DLGAP1: variants seen among roughly 807,000 people sequenced by gnomAD.
DLGAP1 encodes the protein disks large-associated protein 1.
In DLGAP1, 11 loss-of-function variants were observed where a neutral mutation model predicts 90.8. The observed-to-expected ratio is 0.12, with a 90% confidence interval of 0.08 to 0.20. The LOEUF (loss-of-function observed/expected upper bound fraction) is 0.20. Among genes scored for constraint, DLGAP1 ranks in the 10% least tolerant of loss-of-function variants. DLGAP1 has a pLI of 1.00. For missense variants in DLGAP1, 1,050 were observed against 1,333.8 expected, an observed-to-expected ratio of 0.79 and a Z score of 3.31; for synonymous variants, 558 against 540.7, an observed-to-expected ratio of 1.03 and a Z score of -0.44.
At chr18:3,532,916 C>T (rs1415308859) in intron 10 of DLGAP1, among the ~76,000 whole-genome samples, 2 of 152,106 alleles carry the variant, frequency 1.3e-5, no homozygotes, top group African/African-American at 4.8e-5. Context: ...TTTTCTTTTT[C>T]AACTGTTAAT....
At chr18:3,542,106 C>T (rs1457792634) in intron 9 of DLGAP1, among the ~76,000 whole-genome samples, 1 of 152,124 alleles carries the variant, frequency 6.6e-6, no homozygotes, top group Non-Finnish European at 1.5e-5. Flanking sequence ...TAAGTATGTC[C>T]TGGAGGTCTA....
chr18:4,279,659 T>G (rs1216860590), intron 1 of DLGAP1, among the ~76,000 whole-genome samples: 1 of 152,204 alleles, frequency 6.6e-6, no homozygotes, highest in Admixed American at 6.6e-5. Context: ...TGAATATTAG[T>G]AAGATAACTC....
At chr18:4,160,185 A>G (rs1223614147) in intron 1 of DLGAP1, among the ~76,000 whole-genome samples, 1 of 152,246 alleles carries the variant, frequency 6.6e-6, no homozygotes, top group East Asian at 1.9e-4. Flanking sequence ...AAGGAGGTTT[A>G]TCAAACAAGC....
At chr18:3,547,222 ACC>A (rs1186827814) in intron 9 of DLGAP1, among the ~76,000 whole-genome samples, 24 of 136,524 alleles carry the variant, frequency 1.8e-4, no homozygotes, top group South Asian at 9.1e-4. Context: ...AATGGCTTGA[ACC>A]CCCGGGGGCG....
At chr18:4,045,991 C>A (rs1190300853) in intron 2 of DLGAP1, among the ~76,000 whole-genome samples, 2 of 151,996 alleles carry the variant, frequency 1.3e-5, no homozygotes, top group African/African-American at 4.8e-5. Context: ...TAAAAAATTA[C>A]TAAGAATAGT....
At chr18:3,936,760 C>T (rs2072650292) in intron 3 of DLGAP1, among the ~76,000 whole-genome samples, 1 of 152,160 alleles carries the variant, frequency 6.6e-6, no homozygotes, top group Non-Finnish European at 1.5e-5. Context: ...TCAATATCCA[C>T]AAAATGATTC....
At chr18:4,033,250 A>G (rs1598274270) in intron 2 of DLGAP1, among the ~76,000 whole-genome samples, 1 of 151,906 alleles carries the variant, frequency 6.6e-6, no homozygotes, top group East Asian at 1.9e-4. Context: ...GTGTCTCTTG[A>G]CCATCACCCG....
intron 1 of DLGAP1, among the ~76,000 whole-genome samples, chr18:4,213,343 G>A (rs1377330863): frequency 3.9e-5 from 6 of 152,170 alleles, no homozygotes; most frequent in Admixed American, 3.3e-4. Context: ...AGAAACTGAG[G>A]CAAGAAATGA....
intron 3 of DLGAP1, among the ~76,000 whole-genome samples, chr18:3,913,414 G>T (rs2148899073): frequency 6.6e-6 from 1 of 152,260 alleles, no homozygotes; most frequent in African/African-American, 2.4e-5. Flanking sequence ...TGAATTATTT[G>T]CAGGAAGCTG....
At chr18:3,718,680 C>T (rs1258843379) in intron 7 of DLGAP1, among the ~76,000 whole-genome samples, 3 of 151,966 alleles carry the variant, frequency 2.0e-5, no homozygotes, top group Non-Finnish European at 4.4e-5. Flanking sequence ...AATCCCAGCA[C>T]TTTGGGGGGT....
chr18:3,849,012 T>A (rs929514979), intron 4 of DLGAP1, among the ~76,000 whole-genome samples: 1 of 152,216 alleles, frequency 6.6e-6, no homozygotes, highest in Non-Finnish European at 1.5e-5. Flanking sequence ...TCTAGCACTA[T>A]CTTGGTGATC....
At chr18:3,752,159 C>T (rs2063525738) in intron 5 of DLGAP1, among the ~76,000 whole-genome samples, 1 of 152,146 alleles carries the variant, frequency 6.6e-6, no homozygotes, top group Admixed American at 6.5e-5. Flanking sequence ...GTTGAGGTTA[C>T]AGGTGTGAGC....
intron 1 of DLGAP1, among the ~76,000 whole-genome samples, chr18:4,385,728 C>A (rs756900717): frequency 2.0e-5 from 3 of 152,164 alleles, no homozygotes; most frequent in Middle Eastern, 3.2e-3. Context: ...AATACAAATA[C>A]ACACAAATAT....
At chr18:3,709,173 A>G (rs1312921282) in intron 7 of DLGAP1, among the ~76,000 whole-genome samples, 1 of 152,160 alleles carries the variant, frequency 6.6e-6, no homozygotes, top group African/African-American at 2.4e-5. Context: ...AAGAAAAACT[A>G]CATAGAAGAA....
intron 1 of DLGAP1, among the ~76,000 whole-genome samples, chr18:4,379,025 T>C (rs2082068916): frequency 6.6e-6 from 1 of 152,114 alleles, no homozygotes; most frequent in Non-Finnish European, 1.5e-5. Context: ...GGGTTGATCC[T>C]TTACTCATGA....
At position 4,176,461 on chromosome 18, in the gene DLGAP1, T is replaced by C. The variant is rs139615356; in HGVS notation, c.-266-25174A>G. Among the ~76,000 whole-genome samples the C allele has an allele frequency of 7.6e-4, 116 of 152,352 alleles. No individual in the cohort carries two copies. The South Asian group carries it at 0.015, about 19-fold the overall frequency. ...TTTAATGGACCAACCATTCATATTA[T>C]GTGAGTTCAAAGCCCCAGAGCTAAC... On this transcript the variant is annotated intron_variant, in intron 1 of 12. Coordinates refer to ENST00000315677, the MANE Select transcript of DLGAP1 (RefSeq NM_004746.4).
At chr18:4,160,984 AT>A in intron 1 of DLGAP1, among the ~76,000 whole-genome samples, 1 of 151,722 alleles carries the variant, frequency 6.6e-6, no homozygotes, top group Non-Finnish European at 1.5e-5. Context: ...TCTTTTTGTC[AT>A]TATGCTACAT....
At chr18:4,404,368 A>G (rs2082619265) in intron 1 of DLGAP1, among the ~76,000 whole-genome samples, 1 of 152,150 alleles carries the variant, frequency 6.6e-6, no homozygotes, top group South Asian at 2.1e-4. Context: ...TAATTATTTG[A>G]CTGAGTTTAC....
chr18:4,070,719 T>C (rs1036208430), intron 2 of DLGAP1, among the ~76,000 whole-genome samples: 2 of 151,966 alleles, frequency 1.3e-5, no homozygotes, highest in African/African-American at 4.8e-5. Context: ...GATAAAAAGG[T>C]TGGATCCACA....
Sources: allele counts gnomAD v4.1 joint callset (sites outside exome capture counted in the v4.1 genomes callset), GRCh38; gene constraint gnomAD v4.1.1; transcripts MANE v1.5; gene names NCBI Gene and HGNC (gene_info 2026-07-23, HGNC 2026-07-21).